ABCA7: variants seen among roughly 807,000 people sequenced by gnomAD.
ABCA7 encodes the protein ATP binding cassette subfamily A member 7.
Under a neutral mutation model 227.6 loss-of-function variants are expected in ABCA7, and 261 were observed. The observed-to-expected ratio is 1.15, with a 90% CI of 1.04 to 1.27. The LOEUF is 1.27. Among genes scored for constraint, ABCA7 ranks in the 50% most tolerant of loss-of-function variants. The probability of loss-of-function intolerance (pLI) is 0.00; values close to 1 mark genes in which losing one functional copy is unlikely to be tolerated. For synonymous variants in ABCA7, 1,488 were observed against 1,279.7 expected (o/e 1.16, Z -3.47); for missense variants, 3,331 against 2,924.5 (o/e 1.14, Z -3.21).
Position 1,059,006 on chromosome 19 carries a change from G to C in ABCA7, c.5401-17G>C. The stretch of plus-strand genomic sequence containing the variant: ...CACTGGCCCACTCACCTTTCTGAAA[G>C]ACCTGCACTCTCCCAGGTATACCGT... On this transcript the variant is annotated splice_polypyrimidine_tract_variant and intron_variant, in intron 39 of 46. Coordinates refer to ENST00000263094, the MANE Select transcript of ABCA7 (RefSeq NM_019112.4). 6.2e-7 allele frequency: 1 copy of C among 1,613,882 alleles called. No homozygotes were observed. The highest frequency in any genetic ancestry group is 2.2e-5 in the East Asian group (1 of 44,866).
At chr19:1,055,448 G>A (rs191081934) in intron 30 of ABCA7, 97 bp downstream of exon 30, 20 of 1,401,876 alleles carry the variant, frequency 1.4e-5, no homozygotes, top group Non-Finnish European at 1.9e-5. Flanking sequence ...GGAGGGGTTG[G>A]ATGCCCAGCT....
intron 40 of ABCA7, among the ~76,000 whole-genome samples, chr19:1,060,754 A>C (rs2042602525): frequency 6.6e-6 from 1 of 152,060 alleles, no homozygotes; most frequent in Admixed American, 6.6e-5. Context: ...TCTTGACCTC[A>C]GGTGATCTGC....
chr19:1,043,682 C>T, intron 9 of ABCA7, 43 bp from the exon 10 acceptor site: 1 of 1,601,252 alleles, frequency 6.2e-7, no homozygotes, highest in South Asian at 1.1e-5. Context: ...CAGGGGTCCT[C>T]AGAGGAGGAG....
intron 9 of ABCA7, 124 bp downstream of exon 9, chr19:1,043,597 C>T: frequency 6.4e-7 from 1 of 1,562,224 alleles, no homozygotes; most frequent in Non-Finnish European, 8.8e-7. Flanking sequence ...TAGGAGTTAG[C>T]CGATGGAGGG....
intron 41 of ABCA7, 88 bp from the exon 42 acceptor site, chr19:1,062,084 G>A: frequency 1.3e-6 from 2 of 1,556,108 alleles, no homozygotes; most frequent in Non-Finnish European, 1.7e-6. Context: ...CGTGGCCCTG[G>A]ATGGGTGGGC....
rs201934270 is a variant in ABCA7 at position 1,063,737 on chromosome 19, A to G, written c.5848-23A>G. 3.6e-4 allele frequency: 557 copies of G among 1,549,544 alleles called. 6 individuals carry two copies. In the African/African-American group the frequency reaches 6.9e-3, roughly 19 times the overall value. Reference sequence around the variant, plus strand: ...CTGCGACGGAGGCGGGGCCTTGCTTATGGGATCTTCCGTGCTCCCCAGGAC... The same window carrying G: ...CTGCGACGGAGGCGGGGCCTTGCTTGTGGGATCTTCCGTGCTCCCCAGGAC... On this transcript the variant is annotated intron_variant, in intron 43 of 46. Coordinates refer to ENST00000263094, the MANE Select transcript of ABCA7 (RefSeq NM_019112.4).
rs1381211148 is a variant in ABCA7, at chr19:1,062,178, C to T, written c.5577C>T (p.Ala1859=). 1 of 1,611,860 alleles carries T rather than the reference C, an allele frequency of 6.2e-7. No individual in the cohort carries two copies. Among genetic ancestry groups the T allele is most frequent in the Non-Finnish European group, 8.5e-7 (1 of 1,179,414 alleles). The part of the protein sequence containing the change: ...GEAVLAGHSV[A]REPSAAHLSM... ...CCGGCGCCCCCATCCCCAGCGTGGC[C>T]CGGGAACCCAGTGCTGCGCACCTCA... Residue 1859 remains alanine, a synonymous_variant, in exon 42 of 47, where the codon GCC becomes GCT. Coordinates refer to ENST00000263094, the MANE Select transcript of ABCA7 (RefSeq NM_019112.4).
intron 7 of ABCA7, 106 bp downstream of exon 7, chr19:1,042,932 A>G: frequency 9.3e-6 from 14 of 1,508,892 alleles, no homozygotes; most frequent in Non-Finnish European, 1.2e-5. Context: ...GTGGGTTTTC[A>G]GGAGGATTAG....
At chr19:1,044,082 G>A (rs1453380329) in intron 10 of ABCA7, among the ~76,000 whole-genome samples, 2 of 150,456 alleles carry the variant, frequency 1.3e-5, no homozygotes, top group African/African-American at 2.5e-5. Context: ...GACTACAGGC[G>A]CCCACCACCA....
intron 3 of ABCA7, 39 bp downstream of exon 3, chr19:1,041,642 G>A (rs2040048399): frequency 6.2e-7 from 1 of 1,600,780 alleles, no homozygotes; most frequent in African/African-American, 1.3e-5. Context: ...GTGTGTGTAG[G>A]GGAAGGCAGA....
In ABCA7 at chr19:1,056,959, T is replaced by C. The variant is rs778244634; in HGVS notation, c.4639T>C (p.Ser1547Pro). 76 of 1,613,978 alleles carry C rather than the reference T, an allele frequency of 4.7e-5. No individual in the cohort carries two copies. Among genetic ancestry groups the C allele is most frequent in the Admixed American group, 2.3e-4 (14 of 60,004 alleles). Reference protein sequence around the residue: ...LVSICVVFAMSFVPASFTLVL... With the variant: ...LVSICVVFAMPFVPASFTLVL... ...CTCCATCTGTGTGGTCTTTGCCATG[T>C]CCTTTGTCCCGGCCAGCTTCACTCT... The change falls in exon 34 of 47, where the codon TCC becomes CCC. Residue 1547 changes from serine to proline, a missense_variant. By Grantham distance (74) the Ser-to-Pro change is moderately conservative. Coordinates refer to ENST00000263094, the MANE Select transcript of ABCA7 (RefSeq NM_019112.4). The surrounding 1 kb of genome is among the most constrained non-coding windows in gnomAD (Gnocchi z 4.3).
rs558188723 is a variant in ABCA7, at chr19:1,055,665, A to G, written c.4206-242A>G. 3.2e-3 allele frequency among the ~76,000 whole-genome samples: 484 copies of G among 151,346 alleles called. 10 individuals carry two copies. Among genetic ancestry groups the G allele is most frequent in the African/African-American group, 0.011 (448 of 41,228 alleles). ...TTACAGGCACGCACCACCACTCCCGACTAATTTTTGTATTTTTAGTAGAGA... is the reference window on the plus strand; with the variant it reads ...TTACAGGCACGCACCACCACTCCCGGCTAATTTTTGTATTTTTAGTAGAGA... On this transcript the variant is annotated intron_variant, in intron 30 of 46. Coordinates refer to ENST00000263094, the MANE Select transcript of ABCA7 (RefSeq NM_019112.4).
chr19:1,055,168 C>T lies in ABCA7; in HGVS notation c.4022C>T (p.Pro1341Leu). 2 of 1,612,380 alleles carry T rather than the reference C, an allele frequency of 1.2e-6. No individual in the cohort carries two copies. Among genetic ancestry groups the T allele is most frequent in the Non-Finnish European group, 1.7e-6 (2 of 1,179,794 alleles). ...AGTGGCAACTGGACCCCAGAGTCTC[C>T]ATCCCCAGCCTGCCAGTGTAGCCGG... ...LASGNWTPES[P>L]SPACQCSRPG... Residue 1341 changes from proline (P) to leucine (L), a missense_variant, in exon 30 of 47, where the codon CCA (proline) becomes CTA (leucine). By Grantham distance (98) the Pro-to-Leu change is moderately conservative (BLOSUM62 -3). Coordinates refer to ENST00000263094, the MANE Select transcript of ABCA7 (RefSeq NM_019112.4).
chr19:1,058,197 C>G lies in ABCA7; in HGVS notation c.5077C>G (p.His1693Asp), dbSNP rs768942416. ...GAAACAGGTCTTCCTTATCTTCCCC[C>G]ACTTCTGCTTGGGCCGGGGGCTCAT... ...ILKQVFLIFP[H>D]FCLGRGLIDM... The change falls in exon 37 of 47, where the codon CAC becomes GAC. Residue 1693 changes from histidine to aspartate, a missense_variant. Coordinates refer to ENST00000263094, the MANE Select transcript of ABCA7 (RefSeq NM_019112.4). 23 of 1,613,598 alleles carry G rather than the reference C, an allele frequency of 1.4e-5. No individual in the cohort carries two copies. In the Admixed American group the frequency reaches 1.7e-4, roughly 12 times the overall value.
chr19:1,058,402 T>G, intron 37 of ABCA7, 133 bp downstream of exon 37: 1 of 1,446,710 alleles, frequency 6.9e-7, no homozygotes, highest in Non-Finnish European at 9.1e-7. Flanking sequence ...GCCCTAAGGT[T>G]GGGCCAAGTT....
intron 21 of ABCA7, 22 bp downstream of exon 21, chr19:1,051,608 C>G (rs1025093167): frequency 1.1e-5 from 18 of 1,598,874 alleles, no homozygotes; most frequent in Non-Finnish European, 1.4e-5. Context: ...GGATTCTGCT[C>G]GAGGGGCCAG....
chr19:1,045,382 CT>C, intron 12 of ABCA7, 151 bp downstream of exon 12: 1 of 815,638 alleles, frequency 1.2e-6, no homozygotes, highest in Non-Finnish European at 1.9e-6. Flanking sequence ...CCCGGGGCTC[CT>C]TAGACCAATA....
chr19:1,047,091 C>T, intron 14 of ABCA7, 66 bp from the exon 15 acceptor site: 1 of 1,555,092 alleles, frequency 6.4e-7, no homozygotes, highest in Non-Finnish European at 8.7e-7. Flanking sequence ...AGGGGCGGCC[C>T]CACGTGGGTG....
In ABCA7 at chr19:1,065,185, C is replaced by T. The variant is rs762576526; in HGVS notation, c.6285+14C>T. ...ATGCTGGAGGAGGTGATCACGGCGC[C>T]GGGGTCGGGCTGGGGGAGGCAGGCT... On this transcript the variant is annotated intron_variant, in intron 46 of 46. Transcript: ENST00000263094. 2.5e-6 allele frequency: 4 copies of T among 1,594,020 alleles called. No homozygotes were observed. In the Admixed American group the frequency reaches 5.1e-5, roughly 20 times the overall value.
Sources: gnomAD v4.1 joint callset for allele counts (sites outside exome capture counted in the v4.1 genomes callset) on GRCh38, gnomAD v4.1.1 for gene constraint, Gnocchi (gnomAD v3.1) non-coding constraint, MANE v1.5 for transcripts, NCBI Gene and HGNC (gene_info 2026-07-23, HGNC 2026-07-21) for gene names.